Variants in PNPLA6 observed in about 807,000 individuals in gnomAD.
PNPLA6 encodes patatin like domain 6, lysophospholipase.
PNPLA6 carries 105 observed loss-of-function variants against 153.7 expected under a neutral mutation model. That is an observed-to-expected ratio of 0.68 (90% CI 0.58 to 0.80). PNPLA6 has a LOEUF of 0.80. Ranked by LOEUF, PNPLA6 falls within the 30% of genes least tolerant of loss-of-function variation. The pLI, the probability that PNPLA6 is intolerant of heterozygous loss-of-function variation, is 0.00. For synonymous variants in PNPLA6, 825 were observed against 822.2 expected, an observed-to-expected ratio of 1.00 and a Z score of -0.06; for missense variants, 1,423 against 1,919.3, an observed-to-expected ratio of 0.74 and a Z score of 4.83.
chr19:7,556,310 G>A (rs1599307483), intron 24 of PNPLA6, 143 bp from the exon 25 acceptor site: 3 of 753,764 alleles, frequency 4.0e-6, no homozygotes, highest in East Asian at 2.4e-5. Flanking sequence ...TGATCTGCCC[G>A]CCTTGGCCTC....
chr19:7,560,740 C>T lies in PNPLA6; in HGVS notation c.3792C>T (p.Asp1264=), dbSNP rs1298146422. 1.9e-6 allele frequency: 3 copies of T among 1,611,732 alleles called. No individual in the cohort carries two copies. Among genetic ancestry groups the T allele is most frequent in the Non-Finnish European group, 2.5e-6 (3 of 1,178,030 alleles). Residue 1264 remains aspartate (D), a synonymous_variant, in exon 29 of 32, where the codon GAC becomes GAT. Coordinates refer to ENST00000600737, the MANE Select transcript of PNPLA6 (RefSeq NM_001166114.2). ...TGCTCACAGACCGGCGGTCTACAGA[C>T]CTTAATGAGAGCCGCCGTGCAGACG... ...EKMLTDRRST[D]LNESRRADVL...
rs1035405516 is a variant in PNPLA6 at position 7,535,736 on chromosome 19, C to T, written c.-53C>T. ...CGGCATGCACTGCGGGCCGCCGGGC[C>T]TCAGGGAAGAGTCGCGCCCCCGGGG... On this transcript the variant is annotated 5_prime_UTR_variant, in exon 1 of 32. Transcript: ENST00000600737. This position sits in a 1 kb window ranked among gnomAD's most constrained non-coding sequence, Gnocchi z 5.0. 6.7e-5 allele frequency: 102 copies of T among 1,519,388 alleles called. 1 individual carries two copies. The highest frequency in any genetic ancestry group is 8.2e-5 in the Non-Finnish European group (93 of 1,133,568). The allele number at this position is 1,519,388 out of a possible 1,614,324, so 94.1% of individuals were successfully genotyped here.
chr19:7,536,950 A>AAGAAGAAG (rs1555743944), intron 3 of PNPLA6, among the ~76,000 whole-genome samples: 1 of 127,058 alleles, frequency 7.9e-6, no homozygotes, highest in Admixed American at 8.5e-5. Context: ...AAAAAAAAAA[A>AAGAAGAAG]AAGAAGAAGA....
intron 13 of PNPLA6, among the ~76,000 whole-genome samples, chr19:7,548,910 T>C (rs34651329): frequency 0.68 from 100,807 of 148,836 alleles, 34,570 homozygotes; most frequent in South Asian, 0.78. Flanking sequence ...TCACGCCATT[T>C]TCCTGCCTCA....
chr19:7,558,505 G>A (rs1052422660), intron 27 of PNPLA6, among the ~76,000 whole-genome samples: 2 of 152,176 alleles, frequency 1.3e-5, no homozygotes, highest in Admixed American at 1.3e-4. Context: ...GGTGGTGTAT[G>A]CCTCTAATCC....
chr19:7,560,867 G>A (rs752837665), intron 29 of PNPLA6, 103 bp downstream of exon 29: 4 of 893,394 alleles, frequency 4.5e-6, no homozygotes, highest in African/African-American at 3.3e-5. Flanking sequence ...CATGTCCCTG[G>A]GTTTTGCTGA....
chr19:7,535,890 G>A lies in PNPLA6; in HGVS notation c.102G>A (p.Ala34=), dbSNP rs2022840639. ...QDVLAPGEGS[A]GRICGAQPVP... is the part of the protein sequence containing the mutation. ...TCCTGGCGCCCGGGGAAGGCTCGGCGGGACGGATTTGCGGTGCGCAGCCAG... is the reference window on the plus strand; with the variant it reads ...TCCTGGCGCCCGGGGAAGGCTCGGCAGGACGGATTTGCGGTGCGCAGCCAG... The change falls in exon 1 of 32, where the codon GCG becomes GCA. Residue 34 remains alanine (A), a synonymous_variant. Coordinates refer to ENST00000600737, the MANE Select transcript of PNPLA6 (RefSeq NM_001166114.2). The surrounding 1 kb of genome is among the most constrained non-coding windows in gnomAD (Gnocchi z 5.0). The A allele has an allele frequency of 6.5e-7, 1 of 1,547,780 alleles. No individual in the cohort carries two copies. The highest frequency in any genetic ancestry group is 8.7e-7 in the Non-Finnish European group (1 of 1,152,116).
chr19:7,550,488 A>C, intron 15 of PNPLA6, 29 bp from the exon 16 acceptor site: 1 of 1,612,696 alleles, frequency 6.2e-7, no homozygotes, highest in Non-Finnish European at 8.5e-7. Context: ...GGGGGTGGTC[A>C]GACCTTGCTG....
At chr19:7,551,312 G>C (rs375833964) in intron 17 of PNPLA6, 50 bp from the exon 18 acceptor site, 2 of 1,574,324 alleles carry the variant, frequency 1.3e-6, no homozygotes, top group African/African-American at 2.7e-5. Flanking sequence ...GTGGGACCTG[G>C]ACAGCCGCTT....
chr19:7,545,780 C>T (rs1045013304), intron 13 of PNPLA6, among the ~76,000 whole-genome samples: 9 of 151,910 alleles, frequency 5.9e-5, no homozygotes, highest in Non-Finnish European at 1.3e-4. Context: ...GGCACGATGG[C>T]GGGCGCCTCT....
At chr19:7,546,273 T>G (rs959712045) in intron 13 of PNPLA6, among the ~76,000 whole-genome samples, 3 of 152,144 alleles carry the variant, frequency 2.0e-5, no homozygotes, top group African/African-American at 4.8e-5. Flanking sequence ...CAATATTTTT[T>G]GGGGGGGTGT....
At chr19:7,551,280 A>G in intron 17 of PNPLA6, 82 bp from the exon 18 acceptor site, 1 of 1,408,348 alleles carries the variant, frequency 7.1e-7, no homozygotes, top group Non-Finnish European at 1.0e-6. Context: ...GGCACCCAGG[A>G]GCCCCGGCAT....
chr19:7,561,458 G>A (rs1205733432), intron 31 of PNPLA6, 30 bp from the exon 32 acceptor site: 4 of 1,578,792 alleles, frequency 2.5e-6, no homozygotes, highest in Non-Finnish European at 3.5e-6. Flanking sequence ...GTCCCGTGCT[G>A]GGTGACGTGT....
intron 13 of PNPLA6, among the ~76,000 whole-genome samples, chr19:7,548,409 A>C (rs953178926): frequency 4.8e-3 from 84 of 17,362 alleles, no homozygotes; most frequent in African/African-American, 1.0e-2. Flanking sequence ...AAATCGCAAA[A>C]AAAAAAAAAA....
At chr19:7,552,773 GAAAAAAA>G (rs10714939) in intron 18 of PNPLA6, among the ~76,000 whole-genome samples, 3 of 123,174 alleles carry the variant, frequency 2.4e-5, no homozygotes, top group Admixed American at 1.8e-4. Context: ...AAAAAAGAAA[GAAAAAAA>G]AAAAGAAAAG....
At chr19:7,545,053 G>T (rs2023327168) in intron 13 of PNPLA6, among the ~76,000 whole-genome samples, 8 of 151,490 alleles carry the variant, frequency 5.3e-5, no homozygotes, top group African/African-American at 1.7e-4. Context: ...CGGAGACGGA[G>T]TCTTGCTCTG....
In PNPLA6 at chr19:7,561,116, G is replaced by A. The variant is rs1400487363; in HGVS notation, c.3913+6G>A. 2 of 1,559,090 alleles carry A rather than the reference G, an allele frequency of 1.3e-6. No individual in the cohort carries two copies. The highest frequency in any genetic ancestry group is 1.8e-5 in the Admixed American group (1 of 55,600). ...CTCTGATGGCTGTGCTGACGGTGAG[G>A]GGCCCAGGGGACCCCCCAAGAGGGA... On this transcript the variant is annotated splice_donor_region_variant and intron_variant, in intron 30 of 31. Transcript: ENST00000600737.
intron 29 of PNPLA6, 100 bp downstream of exon 29, chr19:7,560,864 C>T (rs1477764866): frequency 1.1e-5 from 10 of 888,650 alleles, no homozygotes; most frequent in African/African-American, 9.9e-5. Context: ...CCACATGTCC[C>T]TGGGTTTTGC....
chr19:7,539,694 T>C (rs1334491812), intron 3 of PNPLA6, among the ~76,000 whole-genome samples: 1 of 147,370 alleles, frequency 6.8e-6, no homozygotes, highest in African/African-American at 2.5e-5. Flanking sequence ...GAGGTGGAGG[T>C]TGCAGTGAGC....
Sources: gnomAD v4.1 joint callset for allele counts (sites outside exome capture counted in the v4.1 genomes callset) on GRCh38, gnomAD v4.1.1 for gene constraint, Gnocchi (gnomAD v3.1) non-coding constraint, MANE v1.5 for transcripts, NCBI Gene and HGNC (gene_info 2026-07-23, HGNC 2026-07-21) for gene names.